Variants in EML5 observed in about 807,000 individuals in gnomAD.
The protein encoded by EML5 is echinoderm microtubule-associated protein-like 5.
A neutral mutation model predicts 250.0 loss-of-function variants in EML5; 120 were observed. The observed-to-expected ratio is 0.48, with a 90% CI of 0.41 to 0.56. The LOEUF is 0.56. EML5 is among the 20% of genes least tolerant of loss of function. The pLI is 0.00. For missense variants in EML5, 2,006 were observed against 2,437.6 expected (o/e 0.82, Z 3.73); for synonymous variants, 771 against 806.5 (o/e 0.96, Z 0.75).
Position 88,712,451 on chromosome 14 carries a change from T to C in EML5, c.1477A>G (p.Lys493Glu). The C allele has an allele frequency of 1.2e-6, 2 of 1,613,520 alleles. No individual in the cohort carries two copies. The highest frequency in any genetic ancestry group is 1.7e-6 in the Non-Finnish European group (2 of 1,179,612). Residue 493 changes from lysine (K) to glutamate (E), a missense_variant, in exon 10 of 44, where the codon AAA becomes GAA. Coordinates refer to ENST00000554922, the MANE Select transcript of EML5 (RefSeq NM_183387.3). ...GKEVTSTEEI[K>E]GVHWASWTCV... ...GTCCATGAAGCCCAATGAACACCTT[T>C]TATTTCTTCTGTACTTGTCACTTCC... is the stretch of plus-strand genomic sequence containing the variant.
intron 40 of EML5, 158 bp downstream of exon 40, chr14:88,618,492 A>G (rs1008498788): frequency 8.2e-6 from 9 of 1,091,648 alleles, no homozygotes; most frequent in Non-Finnish European, 1.0e-5. Context: ...AAAAGCTCTG[A>G]TAAGTGGGGG....
intron 14 of EML5, among the ~76,000 whole-genome samples, chr14:88,698,973 T>G (rs2093145463): frequency 6.6e-6 from 1 of 151,878 alleles, no homozygotes; most frequent in African/African-American, 2.4e-5. Context: ...TAAAGAGAGG[T>G]TAGGTAATTT....
intron 30 of EML5, among the ~76,000 whole-genome samples, chr14:88,643,373 T>TG (rs1381609562): frequency 5.3e-5 from 8 of 152,044 alleles, no homozygotes; most frequent in Non-Finnish European, 7.4e-5. Context: ...TAGAAAATAT[T>TG]GGGGAAAAAA....
intron 16 of EML5, 105 bp from the exon 17 acceptor site, chr14:88,694,512 T>C (rs897309981): frequency 4.0e-6 from 3 of 751,278 alleles, no homozygotes; most frequent in Non-Finnish European, 6.4e-6. Flanking sequence ...ACGAATATTT[T>C]ACTCCCACTT....
At position 88,658,347 on chromosome 14, in the gene EML5, T is replaced by G; in HGVS notation, c.3717A>C (p.Thr1239=). ...GKFKRYVAHS[T]HVTNVRWTYD... ...AAGTCCAGCGAACATTTGTGACATG[T>G]GTACTATGGGCCACATACCTCTTAA... Residue 1239 remains threonine (T), a synonymous_variant, in exon 26 of 44, where the codon ACA becomes ACC. Transcript: ENST00000554922. The G allele has an allele frequency of 1.2e-6, 2 of 1,613,782 alleles. No individual in the cohort carries two copies. Among genetic ancestry groups the G allele is most frequent in the Non-Finnish European group, 1.7e-6 (2 of 1,179,746 alleles).
At chr14:88,735,444 A>G (rs995596933) in intron 7 of EML5, among the ~76,000 whole-genome samples, 1 of 152,228 alleles carries the variant, frequency 6.6e-6, no homozygotes, top group Non-Finnish European at 1.5e-5. Context: ...AATGTCCTCT[A>G]AACATATAAA....
At chr14:88,761,756 C>A (rs576370727) in intron 1 of EML5, among the ~76,000 whole-genome samples, 1 of 152,286 alleles carries the variant, frequency 6.6e-6, no homozygotes, top group South Asian at 2.1e-4. Context: ...GTCCTAGATC[C>A]TTGAGGAATC....
At position 88,620,885 on chromosome 14, in the gene EML5, A is replaced by G. The variant is rs1667389277; in HGVS notation, c.5244T>C (p.Thr1748=). ...TGTCCCCTTCAGGGCTGTAACACACAGTACGAGCAGCATGTCCCAAATTCA... is the reference window on the plus strand; with the variant it reads ...TGTCCCCTTCAGGGCTGTAACACACGGTACGAGCAGCATGTCCCAAATTCA... The part of the protein sequence containing the change: ...NKVNLGHAAR[T]VCYSPEGDMV... The change falls in exon 39 of 44, where the codon ACT becomes ACC. Residue 1748 remains threonine, a synonymous_variant. Transcript: ENST00000554922. This position sits in a 1 kb window ranked among gnomAD's most constrained non-coding sequence, Gnocchi z 4.3. 1 of 1,550,460 alleles carries G rather than the reference A, an allele frequency of 6.4e-7. No homozygotes were observed. The highest frequency in any genetic ancestry group is 2.2e-5 in the Admixed American group (1 of 45,894).
At chr14:88,648,468 C>T (rs924243100) in intron 28 of EML5, among the ~76,000 whole-genome samples, 1 of 152,072 alleles carries the variant, frequency 6.6e-6, no homozygotes, top group African/African-American at 2.4e-5. Flanking sequence ...ATCTTCCTGC[C>T]ACAGCATCCC....
chr14:88,657,276 TCACTG>T (rs2091908089), intron 27 of EML5, 95 bp downstream of exon 27: 1 of 1,162,584 alleles, frequency 8.6e-7, no homozygotes, highest in African/African-American at 1.6e-5. Context: ...AGCAAGAATA[TCACTG>T]TTACTTAGTT....
chr14:88,675,616 C>T (rs2092577267), intron 21 of EML5, among the ~76,000 whole-genome samples: 2 of 152,310 alleles, frequency 1.3e-5, no homozygotes, highest in South Asian at 4.1e-4. Context: ...GAGACACTTT[C>T]CCCATTGTTT....
intron 2 of EML5, among the ~76,000 whole-genome samples, chr14:88,751,870 T>G (rs546886893): frequency 2.0e-5 from 3 of 152,120 alleles, no homozygotes; most frequent in African/African-American, 7.2e-5. Context: ...AAAATCTTAT[T>G]TGTGTCCATT....
At chr14:88,627,127 T>C (rs2090034167) in intron 34 of EML5, 81 bp from the exon 35 acceptor site, 6 of 1,445,710 alleles carry the variant, frequency 4.2e-6, no homozygotes, top group Admixed American at 1.7e-5. Flanking sequence ...GTAAAATACA[T>C]AGTTCAAAAA....
At chr14:88,642,864 T>TA (rs2140650101) in intron 31 of EML5, 29 bp downstream of exon 31, 1 of 1,566,658 alleles carries the variant, frequency 6.4e-7, no homozygotes, top group Non-Finnish European at 8.6e-7. Context: ...AAAAAATTGA[T>TA]AGAGGGATGG....
intron 25 of EML5, among the ~76,000 whole-genome samples, chr14:88,659,288 T>C (rs1312481425): frequency 6.6e-6 from 1 of 151,958 alleles, no homozygotes; most frequent in African/African-American, 2.4e-5. Context: ...CTTGGCCCAC[T>C]GTAACCTCCG....
intron 20 of EML5, 85 bp downstream of exon 20, chr14:88,684,920 ACATTATTTTT>A (rs1401166224): frequency 4.0e-5 from 45 of 1,127,614 alleles, no homozygotes; most frequent in Non-Finnish European, 5.4e-5. Context: ...CCCTAATTTA[ACATTATTTTT>A]CATCACTGTC....
At chr14:88,791,102 T>C (rs1304845546) in intron 1 of EML5, among the ~76,000 whole-genome samples, 2 of 152,188 alleles carry the variant, frequency 1.3e-5, no homozygotes, top group Non-Finnish European at 2.9e-5. Context: ...TTATCTTTAC[T>C]CCATCTTGCC....
At chr14:88,652,073 C>T (rs956864921) in intron 27 of EML5, among the ~76,000 whole-genome samples, 2 of 152,150 alleles carry the variant, frequency 1.3e-5, no homozygotes, top group Non-Finnish European at 2.9e-5. Context: ...ATGTCCTTTG[C>T]ACTATACGAT....
At chr14:88,678,967 G>A (rs573682874) in intron 21 of EML5, among the ~76,000 whole-genome samples, 1 of 152,000 alleles carries the variant, frequency 6.6e-6, no homozygotes, top group South Asian at 2.1e-4. Flanking sequence ...GAAAGTTCTT[G>A]GGAATAATCC....
Sources: gnomAD v4.1 joint callset for allele counts (sites outside exome capture counted in the v4.1 genomes callset) on GRCh38, gnomAD v4.1.1 for gene constraint, Gnocchi (gnomAD v3.1) non-coding constraint, MANE v1.5 for transcripts, NCBI Gene and HGNC (gene_info 2026-07-23, HGNC 2026-07-21) for gene names.